The following EML1 variants were observed in gnomAD, a reference collection of about 807,000 sequenced individuals.
EML1 encodes the protein echinoderm microtubule-associated protein-like 1.
Under a neutral mutation model 110.4 loss-of-function variants are expected in EML1, and 27 were observed. The observed-to-expected ratio is 0.24, with a 90% CI of 0.18 to 0.34. The LOEUF is 0.34. EML1 is among the 10% of genes least tolerant of loss of function. The pLI, the probability that EML1 is intolerant of heterozygous loss-of-function variation, is 1.00. For synonymous variants in EML1, 344 were observed against 385.8 expected, an observed-to-expected ratio of 0.89 and a Z score of 1.27; for missense variants, 741 against 1,030.9, an observed-to-expected ratio of 0.72 and a Z score of 3.85.
chr14:99,876,816 G>A (rs1217835130), intron 3 of EML1, among the ~76,000 whole-genome samples: 2 of 152,156 alleles, frequency 1.3e-5, no homozygotes, highest in African/African-American at 4.8e-5. Context: ...AAAGCAGTTT[G>A]TGTCTCTTCT....
chr14:99,938,580 G>A (rs1051515234), intron 20 of EML1, among the ~76,000 whole-genome samples: 2 of 151,808 alleles, frequency 1.3e-5, no homozygotes, highest in Non-Finnish European at 2.9e-5. Flanking sequence ...CATTCTCCAG[G>A]CCCACCTGGG....
At chr14:99,739,091 T>TGTGTGAGAGA (rs112232539) in intron 1 of EML1, among the ~76,000 whole-genome samples, 11 of 136,502 alleles carry the variant, frequency 8.1e-5, no homozygotes, top group Admixed American at 5.1e-4. Context: ...TGTGTGTGTG[T>TGTGTGAGAGA]GAGAGAGAGA....
At chr14:99,860,765 TC>T (rs1386481467) in intron 2 of EML1, among the ~76,000 whole-genome samples, 1 of 152,150 alleles carries the variant, frequency 6.6e-6, no homozygotes, top group African/African-American at 2.4e-5. Flanking sequence ...ATCCAACTTC[TC>T]AGTCATTCCA....
At chr14:99,908,584 G>A (rs2059894803) in intron 10 of EML1, among the ~76,000 whole-genome samples, 1 of 152,200 alleles carries the variant, frequency 6.6e-6, no homozygotes, top group Non-Finnish European at 1.5e-5. Context: ...AGGCATCAGA[G>A]GCAGGTTATT....
At chr14:99,914,832 T>A in intron 15 of EML1, 135 bp downstream of exon 15, 1 of 1,190,758 alleles carries the variant, frequency 8.4e-7, no homozygotes, top group Non-Finnish European at 1.1e-6. Context: ...AGAGTTGCCT[T>A]AACATTGCAA....
rs149254740 is a variant in EML1, at chr14:99,933,911, A to G, written c.1910-2118A>G. Among the ~76,000 whole-genome samples, 251 of 152,286 alleles carry G rather than the reference A, an allele frequency of 1.6e-3. 1 individual carries two copies. The highest frequency in any genetic ancestry group is 0.01 in the East Asian group (53 of 5,170). The stretch of plus-strand genomic sequence containing the variant: ...GGAGATCGAGACCATCCTGGCCAAC[A>G]TGGTAAAACCCCGTCTCTACTAAAA... On this transcript the variant is annotated intron_variant, in intron 17 of 21. Transcript: ENST00000262233.
chr14:99,769,294 G>A (rs1318272851), upstream of EML1, among the ~76,000 whole-genome samples: 1 of 152,202 alleles, frequency 6.6e-6, no homozygotes. Flanking sequence ...GAGCTGGGGT[G>A]TCAGCACACA....
intron 1 of EML1, chr14:99,737,994 T>C (rs970000289): frequency 1.1e-5 from 10 of 938,328 alleles, no homozygotes; most frequent in Non-Finnish European, 1.4e-5. Context: ...GCCCGACGCC[T>C]GGGGGGCCTG....
chr14:99,757,131 G>A (rs987463674), intron 1 of EML1, among the ~76,000 whole-genome samples: 2 of 152,164 alleles, frequency 1.3e-5, no homozygotes, highest in African/African-American at 4.8e-5. Context: ...CCTAAGGTCG[G>A]CAGTTCGAGT....
intron 4 of EML1, among the ~76,000 whole-genome samples, chr14:99,880,797 T>C (rs1005126063): frequency 3.7e-4 from 56 of 152,326 alleles, no homozygotes; most frequent in African/African-American, 1.3e-3. Flanking sequence ...TTAGAGATTT[T>C]ATACCTAATG....
intron 1 of EML1, among the ~76,000 whole-genome samples, chr14:99,787,268 C>CTTTTTTTT (rs34680462): frequency 5.9e-5 from 6 of 101,612 alleles, no homozygotes; most frequent in African/African-American, 7.8e-5. Context: ...CTCTGAGATT[C>CTTTTTTTT]TTTTTTTTTT....
chr14:99,878,339 T>G (rs1036536211), intron 3 of EML1, 146 bp from the exon 4 acceptor site: 71 of 1,204,686 alleles, frequency 5.9e-5, no homozygotes, highest in Admixed American at 2.8e-5. Context: ...TGTGACACTC[T>G]GAAAAGCTTT....
intron 20 of EML1, 32 bp downstream of exon 20, chr14:99,937,944 CAA>C (rs1176302368): frequency 5.0e-6 from 8 of 1,584,746 alleles, no homozygotes; most frequent in Non-Finnish European, 6.9e-6. Context: ...CTGGTTCCAA[CAA>C]AAGAGTGTCT....
intron 1 of EML1, among the ~76,000 whole-genome samples, chr14:99,754,367 C>T (rs547132986): frequency 6.6e-6 from 1 of 152,274 alleles, no homozygotes; most frequent in African/African-American, 2.4e-5. Context: ...CCCCTGCCTC[C>T]CCCCACGGTG....
At chr14:99,812,457 A>G (rs2058097727) in intron 1 of EML1, among the ~76,000 whole-genome samples, 1 of 151,872 alleles carries the variant, frequency 6.6e-6, no homozygotes, top group South Asian at 2.1e-4. Flanking sequence ...AGGCTGACAT[A>G]GTGGTACACA....
At chr14:99,834,903 T>A (rs1425611304) in intron 1 of EML1, among the ~76,000 whole-genome samples, 1 of 152,196 alleles carries the variant, frequency 6.6e-6, no homozygotes, top group African/African-American at 2.4e-5. Flanking sequence ...CACTGCAACC[T>A]CTATCTCCCG....
intron 1 of EML1, among the ~76,000 whole-genome samples, chr14:99,745,152 G>C (rs1186221590): frequency 6.6e-6 from 1 of 152,020 alleles, no homozygotes; most frequent in Non-Finnish European, 1.5e-5. Flanking sequence ...TGCAACCTCT[G>C]CCTCCCGGGT....
At chr14:99,904,284 G>A (rs1446083019) in intron 9 of EML1, among the ~76,000 whole-genome samples, 1 of 152,022 alleles carries the variant, frequency 6.6e-6, no homozygotes, top group Non-Finnish European at 1.5e-5. Context: ...TTCTTTACAA[G>A]ATTAATTTCT....
chr14:99,859,575 T>A (rs1175311273), intron 2 of EML1, among the ~76,000 whole-genome samples: 2 of 152,190 alleles, frequency 1.3e-5, no homozygotes, highest in Non-Finnish European at 2.9e-5. Context: ...TGTGGACACC[T>A]GGCTAGGTGG....
Sources: gnomAD v4.1 joint callset for allele counts (sites outside exome capture counted in the v4.1 genomes callset) on GRCh38, gnomAD v4.1.1 for gene constraint, MANE v1.5 for transcripts, NCBI Gene and HGNC (gene_info 2026-07-23, HGNC 2026-07-21) for gene names.